Variants in ARRB1 observed in about 807,000 individuals in gnomAD.
The protein encoded by ARRB1 is beta-arrestin-1.
In ARRB1, 21 loss-of-function variants were observed where a neutral mutation model predicts 56.8. The ratio of observed to expected loss-of-function variants is 0.37; its 90% CI spans 0.26 to 0.53. The LOEUF (loss-of-function observed/expected upper bound fraction) is 0.53. Among genes scored for constraint, ARRB1 ranks in the 20% least tolerant of loss-of-function variants. The pLI is 0.88. For missense variants in ARRB1, 424 were observed against 553.7 expected (o/e 0.77, Z 2.35); for synonymous variants, 210 against 218.6 (o/e 0.96, Z 0.35).
In ARRB1 at chr11:75,271,718, C is replaced by A. The variant is rs867318415; in HGVS notation, c.1005G>T (p.Leu335Phe). 6.4e-7 allele frequency: 1 copy of A among 1,572,396 alleles called. No individual in the cohort carries two copies. Among genetic ancestry groups the A allele is most frequent in the East Asian group, 2.3e-5 (1 of 42,730 alleles). ...VKLVVSRGGL[L>F]GDLASSDVAV... ...GAATTTACCTGGATGCAAGATCTCC[C>A]AACAGGCTGGGTGGGTCAGAGGAGG... is the stretch of plus-strand genomic sequence containing the variant. Residue 335 changes from leucine to phenylalanine, a missense_variant, in exon 13 of 16, where the codon TTG becomes TTT. Physicochemically the swap from Leu to Phe is conservative, Grantham distance 22. Transcript: ENST00000420843.
intron 1 of ARRB1, among the ~76,000 whole-genome samples, chr11:75,331,619 C>A (rs1035014757): frequency 2.0e-5 from 3 of 150,736 alleles, no homozygotes; most frequent in Non-Finnish European, 4.4e-5. Context: ...CAGAGAACAA[C>A]CCCCTTTTGA....
intron 1 of ARRB1, among the ~76,000 whole-genome samples, chr11:75,322,417 A>G (rs1369774595): frequency 1.3e-5 from 2 of 152,196 alleles, no homozygotes; most frequent in African/African-American, 4.8e-5. Flanking sequence ...GAGGCAGGAG[A>G]ATCGCTTGTA....
chr11:75,345,457 G>A (rs1029079185), intron 1 of ARRB1, among the ~76,000 whole-genome samples: 4 of 152,088 alleles, frequency 2.6e-5, no homozygotes, highest in African/African-American at 9.7e-5. Context: ...CCACATAGGA[G>A]GGAAGAACAC....
chr11:75,288,888 C>A (rs1319083562), intron 2 of ARRB1, among the ~76,000 whole-genome samples: 1 of 152,180 alleles, frequency 6.6e-6, no homozygotes, highest in Non-Finnish European at 1.5e-5. Flanking sequence ...CCACTGTGAC[C>A]AGCCCTAAAA....
intron 1 of ARRB1, among the ~76,000 whole-genome samples, chr11:75,331,709 C>T (rs1017887692): frequency 6.6e-6 from 1 of 151,688 alleles, no homozygotes; most frequent in African/African-American, 2.4e-5. Context: ...TTTTCGGACT[C>T]AGCCCGCCTG....
chr11:75,273,051 T>C (rs1946106254), intron 11 of ARRB1, 73 bp from the exon 12 acceptor site: 1 of 1,297,842 alleles, frequency 7.7e-7, no homozygotes, highest in Non-Finnish European at 1.1e-6. Flanking sequence ...GTGGGTATGC[T>C]GGGGGGCAGT....
At position 75,327,957 on chromosome 11, in the gene ARRB1, T is replaced by C. The variant is rs58880747; in HGVS notation, c.20+23631A>G. On this transcript the variant is annotated intron_variant, in intron 1 of 15. Transcript: ENST00000420843. The stretch of plus-strand genomic sequence containing the variant: ...GTCTCTACAAATAAATAAATAAAAA[T>C]AAAATAAATACATAAAGTGAACAAT... 4.0e-3 allele frequency among the ~76,000 whole-genome samples: 608 copies of C among 152,232 alleles called. 4 individuals carry two copies. Among genetic ancestry groups the C allele is most frequent in the African/African-American group, 0.014 (576 of 41,530 alleles).
Position 75,351,609 on chromosome 11 carries a change from G to A in ARRB1, c.-2C>T, listed in dbSNP as rs945971975. On this transcript the variant is annotated 5_prime_UTR_variant, in exon 1 of 16. Transcript: ENST00000420843. Reference sequence around the variant, plus strand: ...TCACCGGGTCCCTTTGTCGCCCATGGTCCGCGACGGTCGCAGGGAGGTCCG... The same window carrying A: ...TCACCGGGTCCCTTTGTCGCCCATGATCCGCGACGGTCGCAGGGAGGTCCG... 2 of 1,446,320 alleles carry A rather than the reference G, an allele frequency of 1.4e-6. No homozygotes were observed. The highest frequency in any genetic ancestry group is 1.3e-5 in the South Asian group (1 of 74,344). 89.6% of individuals were successfully genotyped at this position (1,446,320 alleles called of 1,614,324 possible).
At chr11:75,308,090 G>T (rs1376488439) in intron 1 of ARRB1, among the ~76,000 whole-genome samples, 5 of 152,254 alleles carry the variant, frequency 3.3e-5, no homozygotes, top group Admixed American at 3.3e-4. Flanking sequence ...GGACAACACT[G>T]GCCCTCCCTG....
chr11:75,308,189 G>A lies in ARRB1; in HGVS notation c.21-18150C>T, dbSNP rs537109770. 2.7e-4 allele frequency among the ~76,000 whole-genome samples: 41 copies of A among 152,238 alleles called. 1 individual carries two copies. In the South Asian group the frequency reaches 7.0e-3, roughly 26 times the overall value. On this transcript the variant is annotated intron_variant, in intron 1 of 15. Coordinates refer to ENST00000420843, the MANE Select transcript of ARRB1 (RefSeq NM_004041.5). ...CAGGGAACTGCTATTAGTTAGCATCGATCCACAAAGTACTTTGCCGACACT... is the reference window on the plus strand; with the variant it reads ...CAGGGAACTGCTATTAGTTAGCATCAATCCACAAAGTACTTTGCCGACACT...
At chr11:75,292,627 A>G (rs1946637490) in intron 1 of ARRB1, among the ~76,000 whole-genome samples, 3 of 152,186 alleles carry the variant, frequency 2.0e-5, no homozygotes, top group African/African-American at 7.2e-5. Flanking sequence ...ACCTGCTTCC[A>G]GAAGCCTCGG....
intron 3 of ARRB1, among the ~76,000 whole-genome samples, chr11:75,284,941 C>T (rs989121923): frequency 1.3e-5 from 2 of 152,002 alleles, no homozygotes; most frequent in Non-Finnish European, 2.9e-5. Flanking sequence ...CAAAATGGTA[C>T]ATGTTCCATA....
rs1292158187 is a variant in ARRB1, at chr11:75,260,897, C to G, written c.*5266G>C. The G allele has an allele frequency of 6.6e-6, 1 of 152,172 alleles. No individual in the cohort carries two copies. The highest frequency in any genetic ancestry group is 1.5e-5 in the Non-Finnish European group (1 of 68,036). 9.4% of individuals were successfully genotyped at this position (152,172 alleles called of 1,614,324 possible). A position where few individuals can be genotyped will look rare whatever the true frequency, so the allele number is the denominator to read the frequency against. On this transcript the variant is annotated 3_prime_UTR_variant, in exon 16 of 16. Coordinates refer to ENST00000420843, the MANE Select transcript of ARRB1 (RefSeq NM_004041.5). Reference sequence around the variant, plus strand: ...TATGTGAGCCAAGATTTCCATCCATCCGGCGCTGTGTAAAGATGAATTTAA... The same window carrying G: ...TATGTGAGCCAAGATTTCCATCCATGCGGCGCTGTGTAAAGATGAATTTAA...
chr11:75,346,651 C>T (rs535715929), intron 1 of ARRB1, among the ~76,000 whole-genome samples: 2 of 152,294 alleles, frequency 1.3e-5, no homozygotes, highest in Non-Finnish European at 2.9e-5. Context: ...CGCTCCAGCT[C>T]ATCCTCTGTG....
Position 75,284,223 on chromosome 11 carries a change from G to A in ARRB1, c.157+12C>T, listed in dbSNP as rs1307617882. The stretch of plus-strand genomic sequence containing the variant: ...GGCCCTTGACAGGCTGGGGATGGGG[G>A]CCACAGCCTACCTCTCCGCTCTTTG... On this transcript the variant is annotated intron_variant, in intron 4 of 15. Transcript: ENST00000420843. 6.9e-6 allele frequency: 11 copies of A among 1,604,038 alleles called. No individual in the cohort carries two copies. The highest frequency in any genetic ancestry group is 2.2e-5 in the East Asian group (1 of 44,700).
At chr11:75,311,389 G>A (rs900374015) in intron 1 of ARRB1, among the ~76,000 whole-genome samples, 2 of 152,182 alleles carry the variant, frequency 1.3e-5, no homozygotes, top group Non-Finnish European at 2.9e-5. Context: ...TCCGAGAAAG[G>A]AGCAGCTCCA....
intron 1 of ARRB1, among the ~76,000 whole-genome samples, chr11:75,319,124 G>A (rs1226491420): frequency 1.3e-5 from 2 of 152,158 alleles, no homozygotes; most frequent in Non-Finnish European, 2.9e-5. Flanking sequence ...TTCTATCTAT[G>A]TTAGGTAGCT....
At chr11:75,296,795 A>G (rs1416128627) in intron 1 of ARRB1, among the ~76,000 whole-genome samples, 4 of 151,996 alleles carry the variant, frequency 2.6e-5, no homozygotes, top group Admixed American at 1.3e-4. Flanking sequence ...CTCCTGCCTC[A>G]GCCTCCCAAG....
chr11:75,347,997 T>C (rs1412740392), intron 1 of ARRB1, among the ~76,000 whole-genome samples: 1 of 152,198 alleles, frequency 6.6e-6, no homozygotes, highest in East Asian at 1.9e-4. Context: ...CCATCCACCC[T>C]ACTTGGCGCT....
Sources: allele counts gnomAD v4.1 joint callset (sites outside exome capture counted in the v4.1 genomes callset), GRCh38; gene constraint gnomAD v4.1.1; transcripts MANE v1.5; gene names NCBI Gene and HGNC (gene_info 2026-07-23, HGNC 2026-07-21).